PCDH9: variants seen among roughly 807,000 people sequenced by gnomAD.
PCDH9 encodes protocadherin 9, also known as protocadherin-9.
PCDH9 carries 24 observed loss-of-function variants against 70.6 expected under a neutral mutation model. The ratio of observed to expected loss-of-function variants is 0.34; its 90% CI spans 0.25 to 0.48. The LOEUF is 0.48. Ranked by LOEUF, PCDH9 falls within the 20% of genes least tolerant of loss-of-function variation. The probability of loss-of-function intolerance (pLI) is 0.99; values close to 1 mark genes in which losing one functional copy is unlikely to be tolerated. For synonymous variants in PCDH9, 562 were observed against 558.5 expected, an observed-to-expected ratio of 1.01 and a Z score of -0.09; for missense variants, 1,281 against 1,503.6, an observed-to-expected ratio of 0.85 and a Z score of 2.45.
rs2077118607 is a variant in PCDH9 at position 66,597,567 on chromosome 13, A to G, written c.3340+33643T>C. 3.3e-5 allele frequency among the ~76,000 whole-genome samples: 5 copies of G among 151,936 alleles called. No homozygotes were observed. The South Asian group carries it at 1.0e-3, about 31-fold the overall frequency. On this transcript the variant is annotated intron_variant, in intron 4 of 4. Coordinates refer to ENST00000377865, the MANE Select transcript of PCDH9 (RefSeq NM_203487.3). ...ATCAGACCCCTATCCCACATCATACACAAACATCAACTCAAGATGGAGTAA... is the reference window on the plus strand; with the variant it reads ...ATCAGACCCCTATCCCACATCATACGCAAACATCAACTCAAGATGGAGTAA...
chr13:66,387,907 G>A (rs996650488), intron 4 of PCDH9, among the ~76,000 whole-genome samples: 1 of 152,178 alleles, frequency 6.6e-6, no homozygotes, highest in African/African-American at 2.4e-5. Context: ...ATGGTTGCAT[G>A]ATTATTTGAT....
intron 4 of PCDH9, among the ~76,000 whole-genome samples, chr13:66,333,063 T>G (rs1955971621): frequency 6.6e-6 from 1 of 152,070 alleles, no homozygotes; most frequent in Admixed American, 6.6e-5. Flanking sequence ...AGACTTTTAA[T>G]TATGATAGAA....
intron 3 of PCDH9, among the ~76,000 whole-genome samples, chr13:66,755,147 T>C (rs2079520383): frequency 6.7e-6 from 1 of 148,864 alleles, no homozygotes; most frequent in Non-Finnish European, 1.5e-5. Flanking sequence ...AAAATTTTGC[T>C]GAGCCTAGAG....
chr13:66,859,099 C>T (rs2081440085), intron 3 of PCDH9: 2 of 152,134 alleles, frequency 1.3e-5, no homozygotes, highest in African/African-American at 4.8e-5. Flanking sequence ...GTCCATGTTA[C>T]CCTCCTGAAC....
chr13:67,184,947 A>C (rs1023654986), intron 2 of PCDH9, among the ~76,000 whole-genome samples: 8 of 152,110 alleles, frequency 5.3e-5, no homozygotes, highest in African/African-American at 1.7e-4. Context: ...GACTGCGATA[A>C]CTTCTTTCAC....
At chr13:66,683,021 G>A (rs1232330079) in intron 3 of PCDH9, among the ~76,000 whole-genome samples, 1 of 152,090 alleles carries the variant, frequency 6.6e-6, no homozygotes, top group Non-Finnish European at 1.5e-5. Flanking sequence ...AGGTTTGTTG[G>A]GAACATTTTA....
chr13:67,006,725 G>A (rs927605616), intron 2 of PCDH9, among the ~76,000 whole-genome samples: 1 of 151,920 alleles, frequency 6.6e-6, no homozygotes, highest in Admixed American at 6.6e-5. Flanking sequence ...CATTTGTTTA[G>A]CTCCTGTTAT....
chr13:66,485,267 T>C (rs1436793824), intron 4 of PCDH9, among the ~76,000 whole-genome samples: 1 of 152,220 alleles, frequency 6.6e-6, no homozygotes, highest in Non-Finnish European at 1.5e-5. Flanking sequence ...TCAAGGATAA[T>C]TTCCTTCACA....
chr13:66,724,738 T>A (rs2146738), intron 3 of PCDH9, among the ~76,000 whole-genome samples: 19,727 of 152,044 alleles, frequency 0.13, 1,390 homozygotes, highest in African/African-American at 0.18. Flanking sequence ...ATGCTTCACT[T>A]CTAGTTAGCC....
At chr13:66,738,467 C>A (rs1431835824) in intron 3 of PCDH9, among the ~76,000 whole-genome samples, 1 of 149,276 alleles carries the variant, frequency 6.7e-6, no homozygotes, top group Admixed American at 6.8e-5. Context: ...AGTTCCTCAC[C>A]AGCAACGGAA....
intron 3 of PCDH9, among the ~76,000 whole-genome samples, chr13:66,840,806 T>G (rs2081104000): frequency 6.6e-6 from 1 of 152,234 alleles, no homozygotes. Flanking sequence ...AAGTAAGATT[T>G]CAATTACAAC....
chr13:66,779,765 G>A (rs1385089729), intron 3 of PCDH9, among the ~76,000 whole-genome samples: 1 of 150,778 alleles, frequency 6.6e-6, no homozygotes, highest in African/African-American at 2.4e-5. Context: ...TGGTTGCAGT[G>A]AGCTGAGATT....
At chr13:66,922,758 T>A (rs1415666518) in intron 2 of PCDH9, among the ~76,000 whole-genome samples, 7 of 151,526 alleles carry the variant, frequency 4.6e-5, no homozygotes, top group African/African-American at 1.7e-4. Context: ...GAGGAGCTTA[T>A]TCTTTTTCAG....
chr13:67,174,472 T>C (rs918867330), intron 2 of PCDH9, among the ~76,000 whole-genome samples: 2 of 152,160 alleles, frequency 1.3e-5, no homozygotes, highest in African/African-American at 4.8e-5. Flanking sequence ...ACACTGTTTA[T>C]AGCAAATTTA....
At chr13:67,206,151 C>T (rs1254945636) in intron 2 of PCDH9, 2 of 151,988 alleles carry the variant, frequency 1.3e-5, no homozygotes, top group Non-Finnish European at 2.9e-5. Flanking sequence ...TTACAAAATA[C>T]TGTTAAAGTT....
chr13:67,107,132 T>C (rs2086562137), intron 2 of PCDH9, among the ~76,000 whole-genome samples: 1 of 152,100 alleles, frequency 6.6e-6, no homozygotes, highest in Admixed American at 6.5e-5. Context: ...GGGGCCGGGC[T>C]GTCACTTCCA....
chr13:66,389,849 T>TA (rs1278761291), intron 4 of PCDH9, among the ~76,000 whole-genome samples: 1 of 152,154 alleles, frequency 6.6e-6, no homozygotes, highest in Non-Finnish European at 1.5e-5. Context: ...TTGCCTCAAC[T>TA]AAAAAAAGTA....
At chr13:67,185,814 T>C (rs539181871) in intron 2 of PCDH9, among the ~76,000 whole-genome samples, 20 of 152,232 alleles carry the variant, frequency 1.3e-4, no homozygotes, top group African/African-American at 2.6e-4. Context: ...CTCACTGCAA[T>C]CTCCGCCTCC....
intron 3 of PCDH9, among the ~76,000 whole-genome samples, chr13:66,819,456 G>T (rs1432425220): frequency 1.3e-5 from 2 of 152,218 alleles, no homozygotes; most frequent in East Asian, 3.9e-4. Flanking sequence ...ATGAGTTGGG[G>T]ATAATGACTT....
Sources: gnomAD v4.1 joint callset for allele counts (sites outside exome capture counted in the v4.1 genomes callset) on GRCh38, gnomAD v4.1.1 for gene constraint, MANE v1.5 for transcripts, NCBI Gene and HGNC (gene_info 2026-07-23, HGNC 2026-07-21) for gene names.